Variants in SLC7A8 observed in about 807,000 individuals in gnomAD.
SLC7A8 encodes the protein large neutral amino acids transporter small subunit 2.
A neutral mutation model predicts 51.2 loss-of-function variants in SLC7A8; 30 were observed. The ratio of observed to expected loss-of-function variants is 0.59; its 90% CI spans 0.44 to 0.80. SLC7A8 has a LOEUF of 0.80. Among genes scored for constraint, SLC7A8 ranks in the 30% least tolerant of loss-of-function variants. The probability of loss-of-function intolerance (pLI) is 0.00; values close to 1 mark genes in which losing one functional copy is unlikely to be tolerated. For synonymous variants in SLC7A8, 257 were observed against 275.8 expected (o/e 0.93, Z 0.67); for missense variants, 612 against 674.4 (o/e 0.91, Z 1.03).
chr14:23,129,551 C>T lies in SLC7A8; in HGVS notation c.1263+99G>A, dbSNP rs7151708. ...GGTCTGCTACCATCAGAGATGATGA[C>T]GTGTGGTCAGCAGCTAAGAACAGAG... On this transcript the variant is annotated intron_variant, in intron 9 of 10. Coordinates refer to ENST00000316902, the MANE Select transcript of SLC7A8 (RefSeq NM_012244.4). 0.013 allele frequency: 17,595 copies of T among 1,370,388 alleles called. 1,279 individuals are homozygous for T. The African/African-American group carries it at 0.17, about 13-fold the overall frequency. 84.9% of individuals were successfully genotyped at this position (1,370,388 alleles called of 1,614,324 possible).
intron 1 of SLC7A8, among the ~76,000 whole-genome samples, chr14:23,179,172 A>G (rs1351727707): frequency 1.3e-5 from 2 of 152,188 alleles, no homozygotes; most frequent in Non-Finnish European, 2.9e-5. Context: ...AGTTCTTAGT[A>G]AGAACCTCTC....
chr14:23,169,212 G>A (rs1486374329), intron 1 of SLC7A8, among the ~76,000 whole-genome samples: 1 of 152,072 alleles, frequency 6.6e-6, no homozygotes, highest in East Asian at 1.9e-4. Context: ...TTTTTAATTA[G>A]CCAGACATGG....
chr14:23,153,123 T>C (rs2048861933), intron 3 of SLC7A8, among the ~76,000 whole-genome samples: 1 of 152,128 alleles, frequency 6.6e-6, no homozygotes, highest in Non-Finnish European at 1.5e-5. Context: ...ATTTTATTTT[T>C]CTTTTACAGA....
chr14:23,144,142 C>T (rs963873350), intron 3 of SLC7A8, among the ~76,000 whole-genome samples: 1 of 151,786 alleles, frequency 6.6e-6, no homozygotes, highest in Non-Finnish European at 1.5e-5. Context: ...TTGTAGAGAT[C>T]TTTGAGTGGG....
intron 3 of SLC7A8, among the ~76,000 whole-genome samples, chr14:23,164,369 A>G (rs1792631011): frequency 6.6e-6 from 1 of 152,248 alleles, no homozygotes; most frequent in African/African-American, 2.4e-5. Flanking sequence ...AGTGCAGTGC[A>G]CTGGACAGAC....
chr14:23,145,207 G>A (rs912302538), intron 3 of SLC7A8, among the ~76,000 whole-genome samples: 58 of 150,154 alleles, frequency 3.9e-4, no homozygotes, highest in African/African-American at 1.3e-3. Flanking sequence ...GCCACCGCCC[G>A]GCCGGGATGC....
rs1046835767 is a variant in SLC7A8, at chr14:23,176,891, G to A, written c.151+5873C>T. Among the ~76,000 whole-genome samples, 5 of 143,052 alleles carry A rather than the reference G, an allele frequency of 3.5e-5. No homozygotes were observed. The East Asian group carries it at 6.1e-4, about 18-fold the overall frequency. The allele number at this position is 143,052 out of a possible 152,430, so 93.8% of individuals were successfully genotyped here. ...TGGGAGGGAGAGGTTGCAGTGAGCCGAGATTGCCCCACTCCACTCCAGCCT... is the reference window on the plus strand; with the variant it reads ...TGGGAGGGAGAGGTTGCAGTGAGCCAAGATTGCCCCACTCCACTCCAGCCT... On this transcript the variant is annotated intron_variant, in intron 1 of 10. Coordinates refer to ENST00000316902, the MANE Select transcript of SLC7A8 (RefSeq NM_012244.4).
Position 23,165,651 on chromosome 14 carries a change from T to C in SLC7A8, c.357-215A>G, listed in dbSNP as rs967621466. Reference sequence around the variant, plus strand: ...TTTCCACAAGCACTAACACAAGTCTTGGCGTTCTTCCTTTCTCTCCTCTCC... The same window carrying C: ...TTTCCACAAGCACTAACACAAGTCTCGGCGTTCTTCCTTTCTCTCCTCTCC... On this transcript the variant is annotated intron_variant, in intron 2 of 10. Coordinates refer to ENST00000316902, the MANE Select transcript of SLC7A8 (RefSeq NM_012244.4). The surrounding 1 kb of genome is among the most constrained non-coding windows in gnomAD (Gnocchi z 4.2). Among the ~76,000 whole-genome samples the C allele has an allele frequency of 1.3e-5, 2 of 152,248 alleles. No individual in the cohort carries two copies. Among genetic ancestry groups the C allele is most frequent in the African/African-American group, 4.8e-5 (2 of 41,462 alleles).
intron 1 of SLC7A8, among the ~76,000 whole-genome samples, chr14:23,178,925 G>T (rs1464365974): frequency 1.4e-5 from 2 of 145,220 alleles, no homozygotes; most frequent in South Asian, 4.3e-4. Flanking sequence ...ATGAGGTCTT[G>T]CTCTGTTGCC....
intron 3 of SLC7A8, among the ~76,000 whole-genome samples, chr14:23,146,494 G>A (rs1249034708): frequency 1.3e-5 from 2 of 152,200 alleles, no homozygotes; most frequent in Non-Finnish European, 2.9e-5. Context: ...CAGCTCTGTG[G>A]TCTTCCTGGG....
intron 4 of SLC7A8, 53 bp from the exon 5 acceptor site, chr14:23,140,677 C>A: frequency 1.3e-6 from 2 of 1,567,586 alleles, no homozygotes; most frequent in East Asian, 2.3e-5. Context: ...AGGGGCCCAG[C>A]AGCCCCTGGC....
Position 23,135,335 on chromosome 14 carries a change from C to T in SLC7A8, c.1016+2586G>A, listed in dbSNP as rs140383157. On this transcript the variant is annotated intron_variant, in intron 7 of 10. Transcript: ENST00000316902. Reference sequence around the variant, plus strand: ...CAAACTCCTGACCTTGTGATCCGCCCGCCTCAGCCTCCCAAAGTGCTGGGG... The same window carrying T: ...CAAACTCCTGACCTTGTGATCCGCCTGCCTCAGCCTCCCAAAGTGCTGGGG... 7.5e-3 allele frequency among the ~76,000 whole-genome samples: 1,139 copies of T among 151,812 alleles called. 12 individuals are homozygous for T. Among genetic ancestry groups the T allele is most frequent in the African/African-American group, 0.026 (1,067 of 41,488 alleles).
rs2048942164 is a variant in SLC7A8, at chr14:23,165,033, T to G, written c.508+252A>C. On this transcript the variant is annotated intron_variant, in intron 3 of 10. Coordinates refer to ENST00000316902, the MANE Select transcript of SLC7A8 (RefSeq NM_012244.4). This position sits in a 1 kb window ranked among gnomAD's most constrained non-coding sequence, Gnocchi z 4.2. ...AGAGAAGTTAGGAGAGTCAGAGACA[T>G]GTAGACCTCCAGGGAGGATAAAAGA... Among the ~76,000 whole-genome samples the G allele has an allele frequency of 6.8e-6, 1 of 147,652 alleles. No homozygotes were observed. The highest frequency in any genetic ancestry group is 6.8e-5 in the Admixed American group (1 of 14,780).
intron 1 of SLC7A8, among the ~76,000 whole-genome samples, chr14:23,171,215 T>A (rs908101317): frequency 2.6e-5 from 4 of 152,154 alleles, no homozygotes; most frequent in South Asian, 2.1e-4. Flanking sequence ...AATAAAGTAA[T>A]CATCTTATCA....
intron 3 of SLC7A8, among the ~76,000 whole-genome samples, chr14:23,145,829 G>A (rs1488647943): frequency 1.3e-5 from 2 of 152,182 alleles, no homozygotes; most frequent in Non-Finnish European, 2.9e-5. Context: ...AAGAGCAGAA[G>A]CTCCTGACTC....
Position 23,140,376 on chromosome 14 carries a change from A to G in SLC7A8, c.788+95T>C, listed in dbSNP as rs898406117. On this transcript the variant is annotated intron_variant, in intron 5 of 10. Transcript: ENST00000316902. ...ATCACAGTTAGAATGGGGCTTTGGA[A>G]GGCGAGGTGGGCAATGGACACCTGC... is the stretch of plus-strand genomic sequence containing the variant. 55 of 1,299,214 alleles carry G rather than the reference A, an allele frequency of 4.2e-5. No individual in the cohort carries two copies. In the Admixed American group the frequency reaches 1.2e-3, roughly 29 times the overall value. The allele number at this position is 1,299,214 out of a possible 1,614,324, so 80.5% of individuals were successfully genotyped here.
intron 5 of SLC7A8, among the ~76,000 whole-genome samples, chr14:23,140,220 G>A (rs1433354521): frequency 6.6e-6 from 1 of 152,138 alleles, no homozygotes; most frequent in Non-Finnish European, 1.5e-5. Context: ...AGGCAGTAGT[G>A]TTACTGCAGG....
intron 4 of SLC7A8, among the ~76,000 whole-genome samples, 177 bp from the exon 5 acceptor site, chr14:23,140,801 T>G (rs17127067): frequency 0.11 from 17,315 of 152,120 alleles, 2,194 homozygotes; most frequent in African/African-American, 0.31. Flanking sequence ...GAATTTCAGG[T>G]CCAGGGCTTC....
intron 3 of SLC7A8, among the ~76,000 whole-genome samples, chr14:23,151,598 A>G (rs945668950): frequency 1.4e-4 from 21 of 152,052 alleles, no homozygotes; most frequent in African/African-American, 5.1e-4. Context: ...CTCTTAAAAA[A>G]TAACAGAAAA....
Sources: allele counts gnomAD v4.1 joint callset (sites outside exome capture counted in the v4.1 genomes callset), GRCh38; gene constraint gnomAD v4.1.1; non-coding constraint Gnocchi (gnomAD v3.1); transcripts MANE v1.5; gene names NCBI Gene and HGNC (gene_info 2026-07-23, HGNC 2026-07-21).